The following RNF150 variants were observed in gnomAD, a reference collection of about 807,000 sequenced individuals.
RNF150 encodes ring finger protein 150.
Under a neutral mutation model 39.3 loss-of-function variants are expected in RNF150, and 24 were observed. The ratio of observed to expected loss-of-function variants is 0.61; its 90% CI spans 0.44 to 0.86. RNF150 has a LOEUF of 0.86. RNF150 is among the 40% of genes least tolerant of loss of function. The pLI, the probability that RNF150 is intolerant of heterozygous loss-of-function variation, is 0.00. For synonymous variants in RNF150, 255 were observed against 227.3 expected (o/e 1.12, Z -1.10); for missense variants, 502 against 587.8 (o/e 0.85, Z 1.51).
Position 140,862,432 on chromosome 4 carries a change from C to G in RNF150, c.*5829G>C, listed in dbSNP as rs940812265. On this transcript the variant is annotated 3_prime_UTR_variant, in exon 7 of 7. Transcript: ENST00000515673. The stretch of plus-strand genomic sequence containing the variant: ...TGAAGAGAGATGTGACTGACCTTAG[C>G]AGGTTCTTGTAGAACAAGCAGGATT... The G allele has an allele frequency of 6.6e-6, 1 of 151,972 alleles. No individual in the cohort carries two copies. The highest frequency in any genetic ancestry group is 2.4e-5 in the African/African-American group (1 of 41,244). The allele number at this position is 151,972 out of a possible 1,614,324, so 9.4% of individuals were successfully genotyped here. A position where few individuals can be genotyped will look rare whatever the true frequency, so the allele number is the denominator to read the frequency against.
intron 1 of RNF150, among the ~76,000 whole-genome samples, chr4:141,196,854 CCAGAAT>C (rs981497809): frequency 6.6e-6 from 1 of 152,162 alleles, no homozygotes; most frequent in African/African-American, 2.4e-5. Flanking sequence ...TTCCCATCTC[CCAGAAT>C]CTGCCTTAGA....
intron 1 of RNF150, among the ~76,000 whole-genome samples, chr4:141,169,785 G>A (rs1727667786): frequency 6.6e-6 from 1 of 151,474 alleles, no homozygotes; most frequent in Admixed American, 6.6e-5. Context: ...TTACATTTAT[G>A]AGGTTAATTA....
At chr4:141,189,305 T>A (rs1728065912) in intron 1 of RNF150, among the ~76,000 whole-genome samples, 1 of 152,192 alleles carries the variant, frequency 6.6e-6, no homozygotes, top group African/African-American at 2.4e-5. Context: ...AGAAGCCAGC[T>A]GGAGCTCTCC....
rs940717967 is a variant in RNF150, at chr4:140,859,907, T to A, written c.*8354A>T. The A allele has an allele frequency of 5.3e-5, 8 of 150,496 alleles. No individual in the cohort carries two copies. In the East Asian group the frequency reaches 1.6e-3, roughly 29 times the overall value. 9.3% of individuals were successfully genotyped at this position (150,496 alleles called of 1,614,324 possible). On this transcript the variant is annotated 3_prime_UTR_variant, in exon 7 of 7. Transcript: ENST00000515673. ...TTAAAAATCCTTATAGTTGCAATAT[T>A]TTTTTTTTAGCCAGTACGTAAGAAC...
chr4:141,026,026 A>G (rs1735682903), intron 1 of RNF150, among the ~76,000 whole-genome samples: 2 of 152,296 alleles, frequency 1.3e-5, no homozygotes, highest in South Asian at 4.1e-4. Context: ...TGAGTACACA[A>G]AAAGAAAGCT....
At position 141,065,255 on chromosome 4, in the gene RNF150, G is replaced by A. The variant is rs115555479; in HGVS notation, c.484+67070C>T. Among the ~76,000 whole-genome samples the A allele has an allele frequency of 8.9e-3, 1,352 of 152,220 alleles. 25 individuals carry two copies. The highest frequency in any genetic ancestry group is 0.031 in the African/African-American group (1,302 of 41,544). ...TCTACAATCAGCAATTAACCCTTAC[G>A]TCCTGGGTTACTATCTAAGATTTGG... On this transcript the variant is annotated intron_variant, in intron 1 of 6. Coordinates refer to ENST00000515673, the MANE Select transcript of RNF150 (RefSeq NM_020724.2).
chr4:141,194,721 C>A (rs957390598), intron 1 of RNF150, among the ~76,000 whole-genome samples: 3 of 152,040 alleles, frequency 2.0e-5, no homozygotes, highest in African/African-American at 7.2e-5. Flanking sequence ...AAAGAACTGG[C>A]ATATAAATAG....
intron 3 of RNF150, among the ~76,000 whole-genome samples, 174 bp from the exon 4 acceptor site, chr4:140,947,910 A>T (rs1362413851): frequency 6.6e-6 from 1 of 152,112 alleles, no homozygotes; most frequent in African/African-American, 2.4e-5. Context: ...TCCAACCTCT[A>T]CTTCTTGTTT....
At chr4:140,990,134 C>T (rs1734145208) in intron 1 of RNF150, among the ~76,000 whole-genome samples, 1 of 152,216 alleles carries the variant, frequency 6.6e-6, no homozygotes, top group Non-Finnish European at 1.5e-5. Context: ...TGCCCACAGA[C>T]TGCATTCTGC....
At chr4:141,145,644 A>G (rs1210332640) in intron 1 of RNF150, among the ~76,000 whole-genome samples, 1 of 152,204 alleles carries the variant, frequency 6.6e-6, no homozygotes, top group African/African-American at 2.4e-5. Flanking sequence ...GCATGGCTAC[A>G]TTAAACTGAA....
chr4:140,947,337 A>G (rs2111371512), intron 4 of RNF150, among the ~76,000 whole-genome samples: 1 of 152,342 alleles, frequency 6.6e-6, no homozygotes, highest in African/African-American at 2.4e-5. Flanking sequence ...TCTGAACATC[A>G]TAGATCTGTT....
chr4:141,104,337 G>A (rs997654420), intron 1 of RNF150, among the ~76,000 whole-genome samples: 1 of 152,098 alleles, frequency 6.6e-6, no homozygotes, highest in Admixed American at 6.6e-5. Context: ...AACATCACTT[G>A]GCAAAATTCT....
chr4:141,178,012 C>A (rs78988927), intron 1 of RNF150, among the ~76,000 whole-genome samples: 1,717 of 152,156 alleles, frequency 0.011, 37 homozygotes, highest in African/African-American at 0.038. Flanking sequence ...CTCAAAATAT[C>A]TATAAAACTG....
intron 1 of RNF150, among the ~76,000 whole-genome samples, chr4:141,088,298 C>G (rs11941500): frequency 6.6e-6 from 1 of 151,848 alleles, no homozygotes; most frequent in African/African-American, 2.4e-5. Flanking sequence ...CTCCTGATTT[C>G]TTCTTCTTAC....
chr4:141,095,668 T>C (rs1231306758), intron 1 of RNF150, among the ~76,000 whole-genome samples: 1 of 152,196 alleles, frequency 6.6e-6, no homozygotes, highest in African/African-American at 2.4e-5. Flanking sequence ...CATTTTTGTG[T>C]AGTACATAAA....
chr4:141,200,424 C>A (rs1223821177), intron 1 of RNF150, among the ~76,000 whole-genome samples: 1 of 151,972 alleles, frequency 6.6e-6, no homozygotes, highest in Non-Finnish European at 1.5e-5. Context: ...AAAGACTCCA[C>A]CTCCTAATAC....
rs1271751273 is a variant in RNF150 at position 141,000,004 on chromosome 4, A to G, written c.485-32131T>C. 2.4e-4 allele frequency among the ~76,000 whole-genome samples: 8 copies of G among 33,940 alleles called. 2 individuals carry two copies. The highest frequency in any genetic ancestry group is 4.2e-4 in the Non-Finnish European group (6 of 14,130). The allele number at this position is 33,940 out of a possible 152,430, so 22.3% of individuals were successfully genotyped here. A position where few individuals can be genotyped will look rare whatever the true frequency, so the allele number is the denominator to read the frequency against. Reference sequence around the variant, plus strand: ...AGAAGAAAAGAAGAAAAGAAGAAGAAGAAGAAGAAGAAGAAGAAGAAGAAG... The same window carrying G: ...AGAAGAAAAGAAGAAAAGAAGAAGAGGAAGAAGAAGAAGAAGAAGAAGAAG... On this transcript the variant is annotated intron_variant, in intron 1 of 6. Coordinates refer to ENST00000515673, the MANE Select transcript of RNF150 (RefSeq NM_020724.2).
intron 4 of RNF150, among the ~76,000 whole-genome samples, chr4:140,935,967 C>T (rs572361677): frequency 1.3e-5 from 2 of 152,282 alleles, no homozygotes; most frequent in African/African-American, 2.4e-5. Context: ...GCCATGTGAC[C>T]ATCATTCTAA....
chr4:141,060,455 A>G (rs532125758), intron 1 of RNF150, among the ~76,000 whole-genome samples: 5 of 152,324 alleles, frequency 3.3e-5, no homozygotes, highest in African/African-American at 1.2e-4. Context: ...AAAACTAAAA[A>G]GAAAAAAGAA....
Sources: gnomAD v4.1 joint callset for allele counts (sites outside exome capture counted in the v4.1 genomes callset) on GRCh38, gnomAD v4.1.1 for gene constraint, MANE v1.5 for transcripts, NCBI Gene and HGNC (gene_info 2026-07-23, HGNC 2026-07-21) for gene names.